Variants in ADK observed in about 807,000 individuals in gnomAD.
ADK encodes adenosine kinase.
ADK carries 24 observed loss-of-function variants against 44.7 expected under a neutral mutation model. The observed-to-expected ratio is 0.54, with a 90% CI of 0.39 to 0.76. The LOEUF is 0.76. ADK is among the 30% of genes least tolerant of loss of function. ADK has a pLI of 0.00. For synonymous variants in ADK, 128 were observed against 142.6 expected, an observed-to-expected ratio of 0.90 and a Z score of 0.73; for missense variants, 321 against 425.1, an observed-to-expected ratio of 0.76 and a Z score of 2.15.
intron 7 of ADK, among the ~76,000 whole-genome samples, chr10:74,526,276 C>T (rs563745997): frequency 7.3e-4 from 111 of 152,082 alleles, no homozygotes; most frequent in African/African-American, 2.6e-3. Flanking sequence ...TTTCTTTCTA[C>T]CAAGAATGTA....
rs370016728 is a variant in ADK at position 74,248,305 on chromosome 10, A to G, written c.194+23714A>G. ...ATAGACCAGATTATTGACTGTTAGT[A>G]GGAGTACTAGCAAATGAATCAGTAG... On this transcript the variant is annotated intron_variant, in intron 3 of 10. Transcript: ENST00000539909. 1.1e-3 allele frequency among the ~76,000 whole-genome samples: 174 copies of G among 152,238 alleles called. 4 individuals carry two copies. The South Asian group carries it at 0.035, about 30-fold the overall frequency.
intron 9 of ADK, among the ~76,000 whole-genome samples, chr10:74,630,298 C>T (rs1016330989): frequency 6.6e-6 from 1 of 150,474 alleles, no homozygotes; most frequent in Non-Finnish European, 1.5e-5. Context: ...AGCTACAGAC[C>T]TTTTTCAGAT....
At chr10:74,362,515 A>G (rs1156831375) in intron 4 of ADK, among the ~76,000 whole-genome samples, 3 of 152,016 alleles carry the variant, frequency 2.0e-5, no homozygotes, top group South Asian at 2.1e-4. Flanking sequence ...GAATTTTTGG[A>G]GAGATCACAT....
At chr10:74,153,064 T>C (rs1345729907) in intron 1 of ADK, among the ~76,000 whole-genome samples, 1 of 152,240 alleles carries the variant, frequency 6.6e-6, no homozygotes, top group East Asian at 1.9e-4. Flanking sequence ...GATGACTTGC[T>C]TGACAGGGGA....
intron 6 of ADK, among the ~76,000 whole-genome samples, chr10:74,438,232 CTT>C (rs796123870): frequency 4.2e-5 from 6 of 142,742 alleles, no homozygotes; most frequent in Non-Finnish European, 3.1e-5. Flanking sequence ...CTCTCTCTCT[CTT>C]TTTTTTTTTT....
At chr10:74,469,198 G>A (rs1451855550) in intron 6 of ADK, among the ~76,000 whole-genome samples, 3 of 152,006 alleles carry the variant, frequency 2.0e-5, no homozygotes, top group Non-Finnish European at 2.9e-5. Context: ...AATTAGCCGG[G>A]CATGATAGTG....
At chr10:74,694,012 T>C (rs564097053) in intron 10 of ADK, among the ~76,000 whole-genome samples, 6 of 151,372 alleles carry the variant, frequency 4.0e-5, no homozygotes, top group Non-Finnish European at 7.4e-5. Flanking sequence ...AGTTCCCATG[T>C]TTTTTAAAAA....
intron 7 of ADK, among the ~76,000 whole-genome samples, chr10:74,552,638 A>G (rs1028177044): frequency 1.3e-5 from 2 of 152,026 alleles, no homozygotes; most frequent in Admixed American, 6.6e-5. Context: ...TACCATTAAG[A>G]TAATGAATTG....
At chr10:74,348,630 G>A (rs1357775775) in intron 4 of ADK, among the ~76,000 whole-genome samples, 1 of 151,470 alleles carries the variant, frequency 6.6e-6, no homozygotes, top group Non-Finnish European at 1.5e-5. Flanking sequence ...GAAGGACCAT[G>A]TTCTAACCCA....
At chr10:74,155,867 C>T (rs1448385498) in intron 1 of ADK, among the ~76,000 whole-genome samples, 1 of 152,176 alleles carries the variant, frequency 6.6e-6, no homozygotes, top group Non-Finnish European at 1.5e-5. Context: ...TAAAATTGAG[C>T]TTTGCTACTA....
At chr10:74,340,772 T>C (rs1033949491) in intron 4 of ADK, among the ~76,000 whole-genome samples, 26 of 152,288 alleles carry the variant, frequency 1.7e-4, no homozygotes, top group African/African-American at 6.0e-4. Flanking sequence ...CTGTTTTAAT[T>C]GTCTATATAG....
In ADK at chr10:74,666,916, C is replaced by T. The variant is rs572039950; in HGVS notation, c.878-3267C>T. 6.6e-5 allele frequency among the ~76,000 whole-genome samples: 10 copies of T among 151,304 alleles called. No individual in the cohort carries two copies. The South Asian group carries it at 1.9e-3, about 29-fold the overall frequency. ...CATGATCTCTGCTCACTGCAACCTCCGCCTCCCAGATTCAAGTGATTCTCG... is the reference window on the plus strand; with the variant it reads ...CATGATCTCTGCTCACTGCAACCTCTGCCTCCCAGATTCAAGTGATTCTCG... On this transcript the variant is annotated intron_variant, in intron 9 of 10. Transcript: ENST00000539909.
At chr10:74,657,007 G>A (rs1854511760) in intron 9 of ADK, among the ~76,000 whole-genome samples, 1 of 151,616 alleles carries the variant, frequency 6.6e-6, no homozygotes, top group Admixed American at 6.6e-5. Context: ...CTATAGACAT[G>A]TGCTACCATA....
chr10:74,600,589 T>C (rs1252116756), intron 9 of ADK, 96 bp downstream of exon 9: 1 of 416,910 alleles, frequency 2.4e-6, no homozygotes, highest in East Asian at 4.9e-5. Context: ...ATATACAATA[T>C]ACATATACAA....
At chr10:74,202,273 A>C (rs935609664) in intron 2 of ADK, among the ~76,000 whole-genome samples, 5 of 152,170 alleles carry the variant, frequency 3.3e-5, no homozygotes, top group African/African-American at 9.7e-5. Flanking sequence ...AGGTTCATCC[A>C]TGTTGTAGCA....
intron 10 of ADK, among the ~76,000 whole-genome samples, chr10:74,681,052 T>C (rs1466304572): frequency 1.3e-5 from 2 of 152,236 alleles, no homozygotes; most frequent in African/African-American, 4.8e-5. Flanking sequence ...AAAATGATCC[T>C]TCTTATGAAT....
chr10:74,257,514 C>A (rs1591942984), intron 3 of ADK, among the ~76,000 whole-genome samples: 1 of 152,106 alleles, frequency 6.6e-6, no homozygotes, highest in East Asian at 1.9e-4. Flanking sequence ...GTTAATAAAG[C>A]AATTTATAAT....
intron 4 of ADK, among the ~76,000 whole-genome samples, chr10:74,334,421 A>G (rs1841339357): frequency 6.6e-6 from 1 of 152,200 alleles, no homozygotes; most frequent in South Asian, 2.1e-4. Flanking sequence ...CAAACTCACT[A>G]CAAGCATAGC....
intron 6 of ADK, among the ~76,000 whole-genome samples, chr10:74,431,066 CAAAAAAAA>C: frequency 1.7e-5 from 1 of 57,262 alleles, no homozygotes; most frequent in East Asian, 6.4e-4. Flanking sequence ...GACTCCGTCT[CAAAAAAAA>C]AAAAAAAAAA....
Sources: allele counts gnomAD v4.1 joint callset (sites outside exome capture counted in the v4.1 genomes callset), GRCh38; gene constraint gnomAD v4.1.1; transcripts MANE v1.5; gene names NCBI Gene and HGNC (gene_info 2026-07-23, HGNC 2026-07-21).